The following ICA1L variants were observed in gnomAD, a reference collection of about 807,000 sequenced individuals.
ICA1L encodes the protein islet cell autoantigen 1 like.
A neutral mutation model predicts 61.3 loss-of-function variants in ICA1L; 50 were observed. That is an observed-to-expected ratio of 0.82 (90% confidence interval 0.65 to 1.03). ICA1L has a LOEUF of 1.03. Ranked by LOEUF, ICA1L falls within the 50% of genes least tolerant of loss-of-function variation. ICA1L has a pLI of 0.00. For synonymous variants in ICA1L, 161 were observed against 191.3 expected, an observed-to-expected ratio of 0.84 and a Z score of 1.31; for missense variants, 508 against 556.7, an observed-to-expected ratio of 0.91 and a Z score of 0.88.
intron 10 of ICA1L, among the ~76,000 whole-genome samples, chr2:202,790,630 G>T (rs1230923834): frequency 6.6e-6 from 1 of 152,134 alleles, no homozygotes; most frequent in Non-Finnish European, 1.5e-5. Flanking sequence ...TAAGTCCTAG[G>T]TGAGTGCAGT....
intron 1 of ICA1L, among the ~76,000 whole-genome samples, chr2:202,830,488 G>C (rs1237098285): frequency 6.6e-6 from 1 of 152,202 alleles, no homozygotes; most frequent in African/African-American, 2.4e-5. Flanking sequence ...AATGCAGAGT[G>C]AAAAGTATTT....
intron 2 of ICA1L, among the ~76,000 whole-genome samples, chr2:202,826,999 A>T (rs1312736381): frequency 6.6e-6 from 1 of 152,232 alleles, no homozygotes; most frequent in Non-Finnish European, 1.5e-5. Context: ...AGGAGCAGGC[A>T]TCAATTTTCC....
intron 3 of ICA1L, among the ~76,000 whole-genome samples, chr2:202,822,230 T>C (rs576176373): frequency 3.9e-5 from 6 of 152,310 alleles, no homozygotes; most frequent in African/African-American, 9.6e-5. Context: ...GGCTTGATCA[T>C]AGCTCACTGC....
intron 7 of ICA1L, among the ~76,000 whole-genome samples, chr2:202,815,014 A>T (rs1693493567): frequency 6.6e-6 from 1 of 152,230 alleles, no homozygotes; most frequent in African/African-American, 2.4e-5. Context: ...GATGTGGGGT[A>T]GCCACAGATT....
At chr2:202,815,879 A>G (rs535216160) in intron 7 of ICA1L, 32 bp downstream of exon 7, 1 of 1,336,110 alleles carries the variant, frequency 7.5e-7, no homozygotes, top group East Asian at 2.6e-5. Flanking sequence ...AGAGTAATAC[A>G]TCTAAACAAG....
At chr2:202,851,868 G>C (rs1310302663) in intron 1 of ICA1L, among the ~76,000 whole-genome samples, 2 of 152,006 alleles carry the variant, frequency 1.3e-5, no homozygotes, top group Non-Finnish European at 2.9e-5. Flanking sequence ...TTTTTTCCTT[G>C]TAAATTTGTT....
intron 1 of ICA1L, among the ~76,000 whole-genome samples, chr2:202,864,315 C>G (rs1369517589): frequency 1.3e-5 from 2 of 151,948 alleles, no homozygotes; most frequent in Non-Finnish European, 2.9e-5. Flanking sequence ...GCAATCTCGG[C>G]TCACTGCAAG....
chr2:202,837,533 A>G (rs1428356893), intron 1 of ICA1L, among the ~76,000 whole-genome samples: 1 of 151,796 alleles, frequency 6.6e-6, no homozygotes, highest in Non-Finnish European at 1.5e-5. Flanking sequence ...AGCCTCCCAA[A>G]GTGCTGGGAT....
intron 1 of ICA1L, among the ~76,000 whole-genome samples, chr2:202,863,940 T>C (rs1309051657): frequency 6.6e-6 from 1 of 151,974 alleles, no homozygotes; most frequent in East Asian, 1.9e-4. Context: ...ACAACTTAAG[T>C]TAAATAGACA....
chr2:202,815,986 C>A lies in ICA1L; in HGVS notation c.708G>T (p.Lys236Asn), dbSNP rs1230161632. The A allele has an allele frequency of 1.6e-5, 25 of 1,602,916 alleles. No homozygotes were observed. The highest frequency in any genetic ancestry group is 2.1e-5 in the Non-Finnish European group (25 of 1,175,646). The change falls in exon 7 of 13, where the codon AAG becomes AAT. Residue 236 changes from lysine to asparagine, a missense_variant. Transcript: ENST00000358299. ...TYQRTLLGFW[K>N]KTARMMSQIH... ...TTTGGGACATCATTCGAGCTGTTTT[C>A]TTCCAGAATCCAAGCAGTGTTCTCT... is the stretch of plus-strand genomic sequence containing the variant.
intron 2 of ICA1L, among the ~76,000 whole-genome samples, chr2:202,827,434 G>A (rs1316139985): frequency 6.6e-6 from 1 of 151,826 alleles, no homozygotes; most frequent in African/African-American, 2.4e-5. Context: ...CTAAGATGAA[G>A]TGACTATGCT....
At chr2:202,861,670 T>G (rs965176909) in intron 1 of ICA1L, among the ~76,000 whole-genome samples, 1 of 151,418 alleles carries the variant, frequency 6.6e-6, no homozygotes, top group Non-Finnish European at 1.5e-5. Context: ...GCGGATCACT[T>G]GAGGTTAGGA....
rs1295557621 is a variant in ICA1L at position 202,776,335 on chromosome 2, C to T, written c.*3198G>A. ...TCTGGTTTTTTTTAGACTTAAAACA[C>T]ATTTTTATCCAGTATAACATAAAGT... is the stretch of plus-strand genomic sequence containing the variant. On this transcript the variant is annotated 3_prime_UTR_variant, in exon 13 of 13. Transcript: ENST00000358299. 1 of 151,796 alleles carries T rather than the reference C, an allele frequency of 6.6e-6. No individual in the cohort carries two copies. Among genetic ancestry groups the T allele is most frequent in the Non-Finnish European group, 1.5e-5 (1 of 68,026 alleles). The allele number at this position is 151,796 out of a possible 1,614,324, so 9.4% of individuals were successfully genotyped here. A position where few individuals can be genotyped will look rare whatever the true frequency, so the allele number is the denominator to read the frequency against.
intron 10 of ICA1L, among the ~76,000 whole-genome samples, chr2:202,793,967 C>T (rs1405832971): frequency 7.1e-6 from 1 of 139,990 alleles, no homozygotes; most frequent in Admixed American, 7.5e-5. Context: ...GCCGGGGCAA[C>T]GAGTTAAACT....
At chr2:202,837,982 G>A (rs1559143525) in intron 1 of ICA1L, among the ~76,000 whole-genome samples, 2 of 151,876 alleles carry the variant, frequency 1.3e-5, no homozygotes, top group African/African-American at 4.8e-5. Flanking sequence ...GCCTCCCAAG[G>A]AGTTGGGATT....
chr2:202,812,342 G>A (rs1186670578), intron 8 of ICA1L, among the ~76,000 whole-genome samples: 4 of 152,216 alleles, frequency 2.6e-5, no homozygotes, highest in African/African-American at 7.2e-5. Context: ...ACTTTCGGAG[G>A]CTGAGACAGG....
At chr2:202,860,144 T>G (rs1419096770) in intron 1 of ICA1L, 1 of 151,896 alleles carries the variant, frequency 6.6e-6, no homozygotes, top group Non-Finnish European at 1.5e-5. Context: ...TGGTGGCACA[T>G]ACCTGTAGTC....
Position 202,775,188 on chromosome 2 carries a change from A to G in ICA1L, c.*4345T>C, listed in dbSNP as rs1449342174. The G allele has an allele frequency of 6.6e-6, 1 of 152,206 alleles. No individual in the cohort carries two copies. Among genetic ancestry groups the G allele is most frequent in the Non-Finnish European group, 1.5e-5 (1 of 68,044 alleles). The allele number at this position is 152,206 out of a possible 1,614,324, so 9.4% of individuals were successfully genotyped here. Reference sequence around the variant, plus strand: ...GAAATGCATTACTTTCAGTTCTACTAAATTAATATTTTAAAGTTCGTTTTT... The same window carrying G: ...GAAATGCATTACTTTCAGTTCTACTGAATTAATATTTTAAAGTTCGTTTTT... On this transcript the variant is annotated 3_prime_UTR_variant, in exon 13 of 13. Transcript: ENST00000358299.
chr2:202,839,984 T>A (rs1694277226), intron 1 of ICA1L, among the ~76,000 whole-genome samples: 4 of 151,994 alleles, frequency 2.6e-5, no homozygotes, highest in Admixed American at 2.6e-4. Flanking sequence ...TGACATTTTA[T>A]GGTTTTGATG....
Sources: allele counts gnomAD v4.1 joint callset (sites outside exome capture counted in the v4.1 genomes callset), GRCh38; gene constraint gnomAD v4.1.1; transcripts MANE v1.5; gene names NCBI Gene and HGNC (gene_info 2026-07-23, HGNC 2026-07-21).